EOMES: variants seen among roughly 807,000 people sequenced by gnomAD.
EOMES encodes eomesodermin homolog.
In EOMES, 18 loss-of-function variants were observed where a neutral mutation model predicts 61.0. The observed-to-expected ratio is 0.30, with a 90% CI of 0.20 to 0.44. EOMES has a LOEUF of 0.44. Ranked by LOEUF, EOMES falls within the 20% of genes least tolerant of loss-of-function variation. The pLI is 1.00. For missense variants in EOMES, 885 were observed against 939.2 expected (o/e 0.94, Z 0.75); for synonymous variants, 430 against 394.0 (o/e 1.09, Z -1.08).
At position 27,716,924 on chromosome 3, in the gene EOMES, A is replaced by G. The variant is rs1348771108; in HGVS notation, c.*146T>C. 3.2e-6 allele frequency: 2 copies of G among 620,186 alleles called. No homozygotes were observed. The highest frequency in any genetic ancestry group is 3.7e-5 in the African/African-American group (2 of 54,690). The allele number at this position is 620,186 out of a possible 1,614,324, so 38.4% of individuals were successfully genotyped here. On this transcript the variant is annotated 3_prime_UTR_variant, in exon 6 of 6. Coordinates refer to ENST00000449599, the MANE Select transcript of EOMES (RefSeq NM_001278182.2). The stretch of plus-strand genomic sequence containing the variant: ...CCTGCAGCAATCAAAAAGCTTTGGC[A>G]CCTTCTTTTAGAGAATTGCACAAAA...
In EOMES at chr3:27,720,204, C is replaced by T; in HGVS notation, c.1003G>A (p.Val335Met). ...TTATTGTCGGCTTTGCCACAGGTCA[C>T]CCATTTGCCCCCCTGGAAGCGCCAG... ...NHWRFQGGKW[V>M]TCGKADNNMQ... Residue 335 changes from valine (V) to methionine (M), a missense_variant, in exon 2 of 6, where the codon GTG becomes ATG. Val to Met is a conservative substitution (Grantham distance 21). Coordinates refer to ENST00000449599, the MANE Select transcript of EOMES (RefSeq NM_001278182.2). 1.2e-6 allele frequency: 2 copies of T among 1,606,314 alleles called. No individual in the cohort carries two copies. The highest frequency in any genetic ancestry group is 1.7e-6 in the Non-Finnish European group (2 of 1,176,124).
rs773252730 is a variant in EOMES, at chr3:27,721,721, G to T, written c.574C>A (p.Pro192Thr). The change falls in exon 1 of 6, where the codon CCC (proline) becomes ACC (threonine). Residue 192 changes from proline to threonine, a missense_variant. This residue lies in a region of EOMES where 449 missense variants were observed against 383.6 expected (regional missense o/e 1.17). Transcript: ENST00000449599. The surrounding 1 kb of genome is among the most constrained non-coding windows in gnomAD (Gnocchi z 7.4). ...GARYPYGSML[P>T]PGGFPAAVCP... is the part of the protein sequence containing the mutation. ...ACAGCCGCGGGGAAGCCGCCGGGGG[G>T]CAGCATGGAGCCGTAGGGGTAGCGC... 3 of 1,486,806 alleles carry T rather than the reference G, an allele frequency of 2.0e-6. No homozygotes were observed. Among genetic ancestry groups the T allele is most frequent in the Non-Finnish European group, 2.7e-6 (3 of 1,129,106 alleles). 92.1% of individuals were successfully genotyped at this position (1,486,806 alleles called of 1,614,324 possible). A position where few individuals can be genotyped will look rare whatever the true frequency, so the allele number is the denominator to read the frequency against.
chr3:27,718,860 G>A lies in EOMES; in HGVS notation c.1192C>T (p.Pro398Ser), dbSNP rs1416689036. Reference protein sequence around the residue: ...IVLQSLHKYQPRLHIVEVTED... With the variant: ...IVLQSLHKYQSRLHIVEVTED... ...GTAACTTCAACAATATGCAGTCGGG[G>A]TTGGTATTTGTGTAAGGATTGTAAG... Residue 398 changes from proline (P) to serine (S), a missense_variant, in exon 4 of 6, where the codon CCC becomes TCC. Physicochemically the swap from Pro to Ser is moderately conservative, Grantham distance 74. Transcript: ENST00000449599. 6.8e-6 allele frequency: 11 copies of A among 1,613,894 alleles called. No individual in the cohort carries two copies. The highest frequency in any genetic ancestry group is 8.5e-6 in the Non-Finnish European group (10 of 1,179,900).
rs529375594 is a variant in EOMES at position 27,722,024 on chromosome 3, T to G, written c.271A>C (p.Ser91Arg). 2,385 of 1,526,144 alleles carry G rather than the reference T, an allele frequency of 1.6e-3. 5 individuals are homozygous for G. The highest frequency in any genetic ancestry group is 9.3e-3 in the Middle Eastern group (50 of 5,398). 94.5% of individuals were successfully genotyped at this position (1,526,144 alleles called of 1,614,324 possible). Residue 91 changes from serine to arginine, a missense_variant, in exon 1 of 6, where the codon AGC (serine) becomes CGC (arginine). Coordinates refer to ENST00000449599, the MANE Select transcript of EOMES (RefSeq NM_001278182.2). Reference sequence around the variant, plus strand: ...CCCGGCTTGGCCACTGCCGCAGCGCTGGCAAATGCGTCCCCGGCGTCGGTG... The same window carrying G: ...CCCGGCTTGGCCACTGCCGCAGCGCGGGCAAATGCGTCCCCGGCGTCGGTG... ...SDTDAGDAFA[S>R]AAAVAKPGPP...
In EOMES at chr3:27,721,634, T is replaced by C. The variant is rs888807171; in HGVS notation, c.661A>G (p.Ser221Gly). The change falls in exon 1 of 6, where the codon AGC becomes GGC. Residue 221 changes from serine to glycine, a missense_variant. Ser to Gly is a moderately conservative substitution (Grantham distance 56). This residue lies in a region of EOMES where 449 missense variants were observed against 383.6 expected (regional missense o/e 1.17). Transcript: ENST00000449599. The surrounding 1 kb of genome is among the most constrained non-coding windows in gnomAD (Gnocchi z 7.4). ...GAGAGSGAGGSSGGGGGPGTY... is the reference protein window; with the variant it reads ...GAGAGSGAGGGSGGGGGPGTY... ...CCCGGGCCGCCGCCCCCGCCGCTGCTACCGCCCGCGCCACTGCCCGCACCG... is the reference window on the plus strand; with the variant it reads ...CCCGGGCCGCCGCCCCCGCCGCTGCCACCGCCCGCGCCACTGCCCGCACCG... 1 of 1,541,534 alleles carries C rather than the reference T, an allele frequency of 6.5e-7. No individual in the cohort carries two copies. Among genetic ancestry groups the C allele is most frequent in the African/African-American group, 1.4e-5 (1 of 72,960 alleles).
Position 27,716,502 on chromosome 3 carries a change from G to C in EOMES, c.*568C>G, listed in dbSNP as rs2060569960. On this transcript the variant is annotated 3_prime_UTR_variant, in exon 6 of 6. Coordinates refer to ENST00000449599, the MANE Select transcript of EOMES (RefSeq NM_001278182.2). ...GCAATCCTGGACTAGGGCAAACATGGCTTGTTCCAAAAGCCGGGGGTTAAG... is the reference window on the plus strand; with the variant it reads ...GCAATCCTGGACTAGGGCAAACATGCCTTGTTCCAAAAGCCGGGGGTTAAG... 6.5e-6 allele frequency: 1 copy of C among 153,282 alleles called. No homozygotes were observed. The highest frequency in any genetic ancestry group is 1.4e-5 in the Non-Finnish European group (1 of 69,254). The allele number at this position is 153,282 out of a possible 1,614,324, so 9.5% of individuals were successfully genotyped here.
rs1489252092 is a variant in EOMES at position 27,722,001 on chromosome 3, C to G, written c.294G>C (p.Pro98=). Residue 98 remains proline (P), a synonymous_variant, in exon 1 of 6, where the codon CCG becomes CCC. Coordinates refer to ENST00000449599, the MANE Select transcript of EOMES (RefSeq NM_001278182.2). ...AGCCCTTGCGGCCGTCCGGGGGCCC[C>G]GGCTTGGCCACTGCCGCAGCGCTGG... ...AFASAAAVAK[P]GPPDGRKGSP... 3 of 1,478,630 alleles carry G rather than the reference C, an allele frequency of 2.0e-6. No individual in the cohort carries two copies. In the East Asian group the frequency reaches 8.8e-5, roughly 43 times the overall value. The allele number at this position is 1,478,630 out of a possible 1,614,324, so 91.6% of individuals were successfully genotyped here.
rs1553745484 is a variant in EOMES at position 27,721,936 on chromosome 3, G to GCGGCGC, written c.358_359insGCGCCG (p.Ala119_Ala120insGlyAla). On this transcript the variant is annotated inframe_insertion, in exon 1 of 6. Coordinates refer to ENST00000449599, the MANE Select transcript of EOMES (RefSeq NM_001278182.2). This position sits in a 1 kb window ranked among gnomAD's most constrained non-coding sequence, Gnocchi z 7.4. ...AGCCGCGGCGGCGGCGGCGGCGGCG[G>GCGGCGC]CTGCAGCGGCGGAGGGCAGCTCCTC... 515,205 of 1,353,548 alleles carry GCGGCGC rather than the reference G, an allele frequency of 0.38. 90,850 individuals are homozygous for GCGGCGC. Among genetic ancestry groups the GCGGCGC allele is most frequent in the East Asian group, 0.75 (23,185 of 31,112 alleles). The allele number at this position is 1,353,548 out of a possible 1,614,324, so 83.8% of individuals were successfully genotyped here. A position where few individuals can be genotyped will look rare whatever the true frequency, so the allele number is the denominator to read the frequency against.
Position 27,717,824 on chromosome 3 carries a change from A to G in EOMES, c.1380-16T>C, listed in dbSNP as rs781001652. The G allele has an allele frequency of 6.8e-7, 1 of 1,463,724 alleles. No homozygotes were observed. Among genetic ancestry groups the G allele is most frequent in the Non-Finnish European group, 9.0e-7 (1 of 1,108,552 alleles). The allele number at this position is 1,463,724 out of a possible 1,614,324, so 90.7% of individuals were successfully genotyped here. A position where few individuals can be genotyped will look rare whatever the true frequency, so the allele number is the denominator to read the frequency against. On this transcript the variant is annotated splice_polypyrimidine_tract_variant and intron_variant, in intron 5 of 5. Coordinates refer to ENST00000449599, the MANE Select transcript of EOMES (RefSeq NM_001278182.2). The surrounding 1 kb of genome is among the most constrained non-coding windows in gnomAD (Gnocchi z 4.5). The stretch of plus-strand genomic sequence containing the variant: ...GGTGTACATGCTACAATATAAAGAG[A>G]AACACTTAAAAAAAAAAAAAAACCC...
chr3:27,716,681 G>T lies in EOMES; in HGVS notation c.*389C>A, dbSNP rs1226315089. On this transcript the variant is annotated 3_prime_UTR_variant, in exon 6 of 6. Transcript: ENST00000449599. ...TCAGAAGCAAAACACCTTAACACTC[G>T]GCTTCTATTTGCTTAAGAATTTACA... 1 of 168,816 alleles carries T rather than the reference G, an allele frequency of 5.9e-6. No individual in the cohort carries two copies. Among genetic ancestry groups the T allele is most frequent in the Admixed American group, 5.7e-5 (1 of 17,462 alleles). 10.5% of individuals were successfully genotyped at this position (168,816 alleles called of 1,614,324 possible).
rs2060573260 is a variant in EOMES, at chr3:27,717,009, A to G, written c.*61T>C. 1.4e-6 allele frequency: 2 copies of G among 1,385,916 alleles called. No individual in the cohort carries two copies. Among genetic ancestry groups the G allele is most frequent in the Non-Finnish European group, 2.0e-6 (2 of 1,015,384 alleles). The allele number at this position is 1,385,916 out of a possible 1,614,324, so 85.9% of individuals were successfully genotyped here. A position where few individuals can be genotyped will look rare whatever the true frequency, so the allele number is the denominator to read the frequency against. ...TGGCAACCTAGGCAAAGAAGACAAC[A>G]AAAAACACCACCAAGTCCATCTGCA... On this transcript the variant is annotated 3_prime_UTR_variant, in exon 6 of 6. Coordinates refer to ENST00000449599, the MANE Select transcript of EOMES (RefSeq NM_001278182.2). This position sits in a 1 kb window ranked among gnomAD's most constrained non-coding sequence, Gnocchi z 4.5.
At chr3:27,719,731 C>G (rs552221860) in intron 2 of EOMES, among the ~76,000 whole-genome samples, 9 of 152,094 alleles carry the variant, frequency 5.9e-5, no homozygotes, top group African/African-American at 2.2e-4. Flanking sequence ...AATTTAGAAA[C>G]GGAGCTAACA....
rs1431982412 is a variant in EOMES at position 27,718,899 on chromosome 3, AAG to A, written c.1159-8_1159-7del. ...AAGGATTGTAAGACTATCATCTGGAAAGAGTACAGAAAAAAATTGCTAAATCT... is the reference window on the plus strand; with the variant it reads ...AAGGATTGTAAGACTATCATCTGGAAAGTACAGAAAAAAATTGCTAAATCT... On this transcript the variant is annotated splice_region_variant and splice_polypyrimidine_tract_variant and intron_variant, in intron 3 of 5. Coordinates refer to ENST00000449599, the MANE Select transcript of EOMES (RefSeq NM_001278182.2). 1 of 1,594,280 alleles carries A rather than the reference AAG, an allele frequency of 6.3e-7. No individual in the cohort carries two copies. The highest frequency in any genetic ancestry group is 1.1e-5 in the South Asian group (1 of 88,188).
At position 27,721,703 on chromosome 3, in the gene EOMES, C is replaced by T; in HGVS notation, c.592G>A (p.Ala198Thr). The change falls in exon 1 of 6, where the codon GCG becomes ACG. Residue 198 changes from alanine (A) to threonine (T), a missense_variant. Coordinates refer to ENST00000449599, the MANE Select transcript of EOMES (RefSeq NM_001278182.2). This position sits in a 1 kb window ranked among gnomAD's most constrained non-coding sequence, Gnocchi z 7.4. ...GCCCTCCCGGGTGGGCACACAGCCGCGGGGAAGCCGCCGGGGGGCAGCATG... is the reference window on the plus strand; with the variant it reads ...GCCCTCCCGGGTGGGCACACAGCCGTGGGGAAGCCGCCGGGGGGCAGCATG... ...GSMLPPGGFP[A>T]AVCPPGRAQF... The T allele has an allele frequency of 2.0e-6, 3 of 1,488,954 alleles. No homozygotes were observed. The highest frequency in any genetic ancestry group is 2.7e-6 in the Non-Finnish European group (3 of 1,129,540). 92.2% of individuals were successfully genotyped at this position (1,488,954 alleles called of 1,614,324 possible). A position where few individuals can be genotyped will look rare whatever the true frequency, so the allele number is the denominator to read the frequency against.
chr3:27,720,531 C>CAAAAAAA lies in EOMES; in HGVS notation c.882-213_882-207dup, dbSNP rs757181277. Reference sequence around the variant, plus strand: ...AACTCTTGGAACCTTTCCGTCTTTTCAAAAAAAAAAAAAAAAAAAAAAAAA... The same window carrying CAAAAAAA: ...AACTCTTGGAACCTTTCCGTCTTTTCAAAAAAAAAAAAAAAAAAAAAAAAAAAAAAAA... On this transcript the variant is annotated intron_variant, in intron 1 of 5. Coordinates refer to ENST00000449599, the MANE Select transcript of EOMES (RefSeq NM_001278182.2). Among the ~76,000 whole-genome samples, 17 of 62,322 alleles carry CAAAAAAA rather than the reference C, an allele frequency of 2.7e-4. 2 individuals carry two copies. The highest frequency in any genetic ancestry group is 1.1e-3 in the East Asian group (2 of 1,898). 40.9% of individuals were successfully genotyped at this position (62,322 alleles called of 152,430 possible).
At position 27,721,597 on chromosome 3, in the gene EOMES, T is replaced by C. The variant is rs541861828; in HGVS notation, c.698A>G (p.Tyr233Cys). ...CCCGTAGAGCGGAGCCCCCTGGCTG[T>C]ACTGATAGGTGCCCGGGCCGCCGCC... ...GGGGGPGTYQYSQGAPLYGPY... is the reference protein window; with the variant it reads ...GGGGGPGTYQCSQGAPLYGPY... Residue 233 changes from tyrosine (Y) to cysteine (C), a missense_variant, in exon 1 of 6, where the codon TAC becomes TGC. Physicochemically the swap from Tyr to Cys is radical, Grantham distance 194. Coordinates refer to ENST00000449599, the MANE Select transcript of EOMES (RefSeq NM_001278182.2). This position sits in a 1 kb window ranked among gnomAD's most constrained non-coding sequence, Gnocchi z 7.4. 3 of 1,561,600 alleles carry C rather than the reference T, an allele frequency of 1.9e-6. No homozygotes were observed. In the East Asian group the frequency reaches 7.1e-5, roughly 37 times the overall value.
chr3:27,720,352 A>C (rs1339065919), intron 1 of EOMES, 27 bp from the exon 2 acceptor site: 1 of 1,610,146 alleles, frequency 6.2e-7, no homozygotes, highest in East Asian at 2.2e-5. Context: ...AATCAGAAAA[A>C]TCGATTTTAA....
At position 27,716,964 on chromosome 3, in the gene EOMES, G is replaced by A; in HGVS notation, c.*106C>T. 1 of 815,918 alleles carries A rather than the reference G, an allele frequency of 1.2e-6. No homozygotes were observed. Among genetic ancestry groups the A allele is most frequent in the Non-Finnish European group, 2.0e-6 (1 of 509,908 alleles). 50.5% of individuals were successfully genotyped at this position (815,918 alleles called of 1,614,324 possible). A position where few individuals can be genotyped will look rare whatever the true frequency, so the allele number is the denominator to read the frequency against. The stretch of plus-strand genomic sequence containing the variant: ...ATTGCACAAAACAGGATGCATCAAG[G>A]TGGAAGGCAAACATCTTTTTGGCAA... On this transcript the variant is annotated 3_prime_UTR_variant, in exon 6 of 6. Transcript: ENST00000449599.
At chr3:27,720,125 T>A (rs982769133) in intron 2 of EOMES, 46 bp downstream of exon 2, 4 of 1,514,530 alleles carry the variant, frequency 2.6e-6, no homozygotes, top group Admixed American at 4.5e-5. Flanking sequence ...GGGTTACGAT[T>A]TCTTCCCGCC....
Sources: allele counts gnomAD v4.1 joint callset (sites outside exome capture counted in the v4.1 genomes callset), GRCh38; gene constraint gnomAD v4.1.1; regional missense constraint gnomAD v4.1.1; non-coding constraint Gnocchi (gnomAD v3.1); transcripts MANE v1.5; gene names NCBI Gene and HGNC (gene_info 2026-07-23, HGNC 2026-07-21).